MPC2: variants seen among roughly 807,000 people sequenced by gnomAD.
MPC2 encodes the protein brain protein 44.
In MPC2, 19 loss-of-function variants were observed where a neutral mutation model predicts 19.2. That is an observed-to-expected ratio of 0.99 (90% CI 0.69 to 1.45). The LOEUF (loss-of-function observed/expected upper bound fraction) is 1.45, where lower values mean the gene tolerates loss of function less well. Ranked by LOEUF, MPC2 falls within the 40% of genes most tolerant of loss-of-function variation. MPC2 has a pLI of 0.00. For missense variants in MPC2, 122 were observed against 153.0 expected, an observed-to-expected ratio of 0.80 and a Z score of 1.07; for synonymous variants, 61 against 54.3, an observed-to-expected ratio of 1.12 and a Z score of -0.54.
chr1:167,926,770 C>T (rs1670768721), intron 2 of MPC2, among the ~76,000 whole-genome samples: 1 of 152,226 alleles, frequency 6.6e-6, no homozygotes, highest in Non-Finnish European at 1.5e-5. Flanking sequence ...GGCAAACATT[C>T]AACTAGTTTC....
Position 167,920,034 on chromosome 1 carries a change from CA to C in MPC2, c.291del (p.Phe97LeufsTer25). 1 of 1,613,450 alleles carries C rather than the reference CA, an allele frequency of 6.2e-7. No homozygotes were observed. The highest frequency in any genetic ancestry group is 1.1e-5 in the South Asian group (1 of 91,002). On this transcript the variant is annotated frameshift_variant, in exon 5 of 6. Coordinates refer to ENST00000271373, the MANE Select transcript of MPC2 (RefSeq NM_001143674.4). LOFTEE classifies it high-confidence loss of function. ...GCTGCCCCCACAAAGAAATTAACAG[CA>C]AACAGACTCCAATTTTTTGGAATAA... ...LVIIPKNWSL[F>X]AVNFFVGAAG... is the part of the protein sequence containing the mutation.
chr1:167,918,285 T>G lies in MPC2; in HGVS notation c.*38A>C. Reference sequence around the variant, plus strand: ...ATAATAAACTAGGTCCCAATGGTTTTGTCCACATCTAGATTGTTCAGGTGA... The same window carrying G: ...ATAATAAACTAGGTCCCAATGGTTTGGTCCACATCTAGATTGTTCAGGTGA... On this transcript the variant is annotated 3_prime_UTR_variant, in exon 6 of 6. Coordinates refer to ENST00000271373, the MANE Select transcript of MPC2 (RefSeq NM_001143674.4). 2.7e-6 allele frequency: 4 copies of G among 1,509,316 alleles called. No individual in the cohort carries two copies. The highest frequency in any genetic ancestry group is 3.6e-6 in the Non-Finnish European group (4 of 1,101,930). The allele number at this position is 1,509,316 out of a possible 1,614,324, so 93.5% of individuals were successfully genotyped here. A position where few individuals can be genotyped will look rare whatever the true frequency, so the allele number is the denominator to read the frequency against.
intron 1 of MPC2, chr1:167,936,164 G>T: frequency 6.5e-6 from 2 of 308,544 alleles, no homozygotes; most frequent in Non-Finnish European, 6.2e-6. Context: ...CTGGCAGCGC[G>T]CTTGCGCAGG....
intron 4 of MPC2, among the ~76,000 whole-genome samples, 179 bp downstream of exon 4, chr1:167,920,368 A>T (rs543227182): frequency 1.4e-4 from 22 of 152,340 alleles, no homozygotes; most frequent in African/African-American, 4.8e-4. Flanking sequence ...GCCCATTCAG[A>T]TACTTATTCT....
At position 167,918,268 on chromosome 1, in the gene MPC2, C is replaced by A; in HGVS notation, c.*55G>T. The A allele has an allele frequency of 7.2e-7, 1 of 1,381,706 alleles. No individual in the cohort carries two copies. The allele number at this position is 1,381,706 out of a possible 1,614,324, so 85.6% of individuals were successfully genotyped here. A position where few individuals can be genotyped will look rare whatever the true frequency, so the allele number is the denominator to read the frequency against. ...GCTTTATCAATAACCAAATAATAAA[C>A]TAGGTCCCAATGGTTTTGTCCACAT... On this transcript the variant is annotated 3_prime_UTR_variant, in exon 6 of 6. Coordinates refer to ENST00000271373, the MANE Select transcript of MPC2 (RefSeq NM_001143674.4).
In MPC2 at chr1:167,921,728, T is replaced by A. The variant is rs546806969; in HGVS notation, c.151-1097A>T. Among the ~76,000 whole-genome samples, 6 of 152,276 alleles carry A rather than the reference T, an allele frequency of 3.9e-5. No homozygotes were observed. The East Asian group carries it at 1.2e-3, about 29-fold the overall frequency. ...ACATGATTTAATAAATTGTTTTTTT[T>A]TAAAAAAACTAAGCTGGAAATTATA... On this transcript the variant is annotated intron_variant, in intron 3 of 5. Transcript: ENST00000271373.
intron 2 of MPC2, among the ~76,000 whole-genome samples, chr1:167,929,368 A>C (rs1358538252): frequency 6.7e-6 from 1 of 148,668 alleles, no homozygotes; most frequent in African/African-American, 2.5e-5. Context: ...TCGAAAAAAG[A>C]AAAAAAAAAG....
chr1:167,922,958 A>C (rs1048815865), intron 3 of MPC2, among the ~76,000 whole-genome samples: 2 of 152,196 alleles, frequency 1.3e-5, no homozygotes, highest in African/African-American at 4.8e-5. Flanking sequence ...TATGTTCAGC[A>C]TGACTAATCA....
rs145273087 is a variant in MPC2 at position 167,927,276 on chromosome 1, A to G, written c.110-2739T>C. Among the ~76,000 whole-genome samples, 56 of 152,316 alleles carry G rather than the reference A, an allele frequency of 3.7e-4. No homozygotes were observed. The East Asian group carries it at 0.011, about 29-fold the overall frequency. ...ATTAGTTACTCTACTCTTAGACCAC[A>G]GCTCTCTTCCCCTGAGTCTGATGCC... On this transcript the variant is annotated intron_variant, in intron 2 of 5. Transcript: ENST00000271373.
chr1:167,927,786 C>G (rs1421994861), intron 2 of MPC2, among the ~76,000 whole-genome samples: 1 of 151,866 alleles, frequency 6.6e-6, no homozygotes, highest in African/African-American at 2.4e-5. Flanking sequence ...CCCCACCAAA[C>G]CAAACAACTG....
Position 167,937,014 on chromosome 1 carries a change from C to T in MPC2, c.-133G>A. The T allele has an allele frequency of 2.5e-6, 4 of 1,603,280 alleles. No homozygotes were observed. The highest frequency in any genetic ancestry group is 3.4e-6 in the Non-Finnish European group (4 of 1,175,532). ...GCTGCGGAGTCGCTACCTGGGTGAG[C>T]GGGGGCCCCGGGGCGGAGGCGCTGA... On this transcript the variant is annotated 5_prime_UTR_variant, in exon 1 of 6. Coordinates refer to ENST00000271373, the MANE Select transcript of MPC2 (RefSeq NM_001143674.4).
At chr1:167,926,902 A>C (rs1670774446) in intron 2 of MPC2, among the ~76,000 whole-genome samples, 1 of 152,200 alleles carries the variant, frequency 6.6e-6, no homozygotes, top group South Asian at 2.1e-4. Context: ...GCCTTAAAAA[A>C]CAAACAAAAA....
chr1:167,925,408 A>G (rs565964856), intron 2 of MPC2, among the ~76,000 whole-genome samples: 1 of 141,564 alleles, frequency 7.1e-6, no homozygotes, highest in Admixed American at 7.1e-5. Flanking sequence ...ATATATATGT[A>G]TGTGTATATA....
intron 1 of MPC2, 140 bp from the exon 2 acceptor site, chr1:167,936,038 G>A: frequency 1.7e-6 from 1 of 598,548 alleles, no homozygotes; most frequent in Non-Finnish European, 3.0e-6. Flanking sequence ...GGTTGAGGGG[G>A]CGGAGGCTGC....
At chr1:167,930,704 T>G (rs1356487691) in intron 2 of MPC2, among the ~76,000 whole-genome samples, 1 of 152,240 alleles carries the variant, frequency 6.6e-6, no homozygotes, top group Non-Finnish European at 1.5e-5. Context: ...GAGCAACGAC[T>G]AGAACACAGT....
intron 2 of MPC2, among the ~76,000 whole-genome samples, chr1:167,935,399 A>G (rs1200957492): frequency 2.0e-5 from 3 of 152,174 alleles, no homozygotes; most frequent in African/African-American, 7.2e-5. Context: ...AGAGAAAGAG[A>G]ATGAGTGTTT....
intron 2 of MPC2, 42 bp downstream of exon 2, chr1:167,935,691 G>A (rs372760188): frequency 5.2e-5 from 79 of 1,509,444 alleles, no homozygotes; most frequent in Non-Finnish European, 6.9e-5. Flanking sequence ...TAGAGGAAGC[G>A]AGAAGGAAGG....
At chr1:167,922,619 G>C (rs1302287529) in intron 3 of MPC2, among the ~76,000 whole-genome samples, 2 of 151,762 alleles carry the variant, frequency 1.3e-5, no homozygotes, top group East Asian at 1.9e-4. Context: ...CTGCTCCCTA[G>C]ATCTCTGTAA....
intron 3 of MPC2, among the ~76,000 whole-genome samples, chr1:167,921,528 G>C (rs1171095716): frequency 2.0e-5 from 3 of 152,036 alleles, no homozygotes; most frequent in Admixed American, 1.3e-4. Flanking sequence ...GGCCTTGGCT[G>C]TTACGCCATT....
Sources: gnomAD v4.1 joint callset for allele counts (sites outside exome capture counted in the v4.1 genomes callset) on GRCh38, gnomAD v4.1.1 for gene constraint, MANE v1.5 for transcripts, NCBI Gene and HGNC (gene_info 2026-07-23, HGNC 2026-07-21) for gene names.